The following COL4A5 variants were observed in gnomAD, a reference collection of about 807,000 sequenced individuals.
COL4A5 encodes the protein collagen type IV alpha 5 chain, also known as collagen alpha-5(IV) chain.
A neutral mutation model predicts 130.2 loss-of-function variants in COL4A5; 26 were observed. That is an observed-to-expected ratio of 0.20 (90% CI 0.15 to 0.28). The LOEUF (loss-of-function observed/expected upper bound fraction) is 0.28, where lower values mean the gene tolerates loss of function less well. COL4A5 is among the 10% of genes least tolerant of loss of function. The pLI is 1.00. For synonymous variants in COL4A5, 496 were observed against 439.6 expected, an observed-to-expected ratio of 1.13 and a Z score of -1.60; for missense variants, 1,131 against 1,344.3, an observed-to-expected ratio of 0.84 and a Z score of 2.48.
At position 108,603,442 on chromosome X, in the gene COL4A5, G is replaced by A. The variant is rs185455903; in HGVS notation, c.2244+381G>A. Reference sequence around the variant, plus strand: ...GTTTCCCACTACATATAAAGGTTATGTTTACACTATACTGTAGTCTTTAAA... The same window carrying A: ...GTTTCCCACTACATATAAAGGTTATATTTACACTATACTGTAGTCTTTAAA... On this transcript the variant is annotated intron_variant, in intron 28 of 52. Transcript: ENST00000328300. Among the ~76,000 whole-genome samples, 43 of 111,260 alleles carry A rather than the reference G, an allele frequency of 3.9e-4. No homozygotes were observed. The East Asian group carries it at 7.6e-3, about 20-fold the overall frequency.
intron 37 of COL4A5, among the ~76,000 whole-genome samples, chrX:108,660,401 G>A (rs371044450): frequency 4.5e-5 from 5 of 111,266 alleles, no homozygotes; most frequent in East Asian, 2.8e-4. Flanking sequence ...TTCTTCCACC[G>A]TCATTTATTG....
chrX:108,609,060 A>C (rs780641648), intron 29 of COL4A5, among the ~76,000 whole-genome samples: 1 of 111,882 alleles, frequency 8.9e-6, no homozygotes, highest in Non-Finnish European at 1.9e-5. Flanking sequence ...GGGTTGTGTC[A>C]AGTTTTTGGC....
At chrX:108,591,333 T>A in intron 20 of COL4A5, 102 bp downstream of exon 20, 1 of 850,817 alleles carries the variant, frequency 1.2e-6, no homozygotes, top group East Asian at 3.2e-5. Flanking sequence ...GCGTTTCTGA[T>A]ATCTAAGAAA....
chrX:108,470,561 T>C (rs1017242497), intron 1 of COL4A5, among the ~76,000 whole-genome samples: 2 of 111,904 alleles, frequency 1.8e-5, no homozygotes, highest in African/African-American at 6.5e-5. Flanking sequence ...GTTAGATGCA[T>C]AGTCTGTTAA....
At chrX:108,660,337 T>C (rs1420184581) in intron 37 of COL4A5, among the ~76,000 whole-genome samples, 1 of 111,572 alleles carries the variant, frequency 9.0e-6, no homozygotes, top group African/African-American at 3.2e-5. Flanking sequence ...TTTCTACTCT[T>C]CTACCCTCCT....
At chrX:108,593,143 T>C (rs2066462373) in intron 21 of COL4A5, among the ~76,000 whole-genome samples, 1 of 111,740 alleles carries the variant, frequency 8.9e-6, no homozygotes, top group Admixed American at 9.5e-5. Context: ...GTATTTTTTT[T>C]GTAGGACATA....
chrX:108,494,846 A>G (rs1312507278), intron 1 of COL4A5, among the ~76,000 whole-genome samples: 1 of 111,663 alleles, frequency 9.0e-6, no homozygotes, highest in African/African-American at 3.2e-5. Context: ...GGGGATGAAT[A>G]CTTAGACTTT....
intron 1 of COL4A5, among the ~76,000 whole-genome samples, chrX:108,452,098 T>A (rs771792969): frequency 8.8e-4 from 99 of 112,195 alleles, no homozygotes; most frequent in African/African-American, 3.1e-3. Context: ...TCCCCATTGC[T>A]TGTTTTTCTC....
At chrX:108,462,073 A>G (rs1373444304) in intron 1 of COL4A5, among the ~76,000 whole-genome samples, 1 of 111,897 alleles carries the variant, frequency 8.9e-6, no homozygotes, top group South Asian at 3.7e-4. Flanking sequence ...TCTCCTTTTC[A>G]TACCACTGTC....
At position 108,655,374 on chromosome X, in the gene COL4A5, A is replaced by C. The variant is rs1445341779; in HGVS notation, c.3290A>C (p.Lys1097Thr). 5 of 1,209,048 alleles carry C rather than the reference A, an allele frequency of 4.1e-6. No individual in the cohort carries two copies. The highest frequency in any genetic ancestry group is 5.6e-6 in the Non-Finnish European group (5 of 894,824). The change falls in exon 37 of 53, where the codon AAA (lysine) becomes ACA (threonine). Residue 1097 changes from lysine to threonine, a missense_variant. By Grantham distance (78) the Lys-to-Thr change is moderately conservative. Transcript: ENST00000328300. ...GGATACCCAGGGAACCCTGGTATCA[A>C]AGGTTCTGTGGGAGATCCTGGTTTG... ...LPGYPGNPGI[K>T]GSVGDPGLPG...
At chrX:108,695,232 G>A in intron 51 of COL4A5, 35 bp from the exon 52 acceptor site, 1 of 1,205,707 alleles carries the variant, frequency 8.3e-7, no homozygotes, top group Non-Finnish European at 1.1e-6. Flanking sequence ...TATGGCACAT[G>A]GGTATTGCGG....
rs753738687 is a variant in COL4A5 at position 108,440,183 on chromosome X, T to C, written c.58T>C (p.Trp20Arg). The change falls in exon 1 of 53, where the codon TGG becomes CGG. Residue 20 changes from tryptophan to arginine, a missense_variant. Physicochemically the swap from Trp to Arg is moderately radical, Grantham distance 101. Transcript: ENST00000328300. Reference sequence around the variant, plus strand: ...CTTGTTCTTACTGGCCCTGAGTCTTTGGGGGCAGCCTGCAGAGGCTGCGGT... The same window carrying C: ...CTTGTTCTTACTGGCCCTGAGTCTTCGGGGGCAGCCTGCAGAGGCTGCGGT... ...AGLFLLALSLWGQPAEAAACY... is the reference protein window; with the variant it reads ...AGLFLLALSLRGQPAEAAACY... 1 of 1,205,773 alleles carries C rather than the reference T, an allele frequency of 8.3e-7. No individual in the cohort carries two copies. Among genetic ancestry groups the C allele is most frequent in the Admixed American group, 2.2e-5 (1 of 45,815 alleles).
intron 1 of COL4A5, among the ~76,000 whole-genome samples, chrX:108,499,958 C>G (rs1258755068): frequency 9.0e-6 from 1 of 111,493 alleles, no homozygotes; most frequent in Non-Finnish European, 1.9e-5. Context: ...CTAAGAGAGG[C>G]AGACAGACTG....
chrX:108,506,904 C>G (rs2065129302), intron 1 of COL4A5, among the ~76,000 whole-genome samples: 2 of 110,954 alleles, frequency 1.8e-5, no homozygotes, highest in South Asian at 7.7e-4. Flanking sequence ...AGCCACCACA[C>G]CTGGTGGTCA....
At chrX:108,681,726 C>T in intron 46 of COL4A5, 34 bp from the exon 47 acceptor site, 3 of 1,208,354 alleles carry the variant, frequency 2.5e-6, no homozygotes, top group African/African-American at 1.7e-5. Flanking sequence ...TAACCTTTCT[C>T]TTTCCCTTCA....
At chrX:108,586,559 A>G in intron 18 of COL4A5, 56 bp from the exon 19 acceptor site, 1 of 1,102,735 alleles carries the variant, frequency 9.1e-7, no homozygotes, top group South Asian at 1.9e-5. Flanking sequence ...TGTTTTCAGG[A>G]GAACAAGGCT....
chrX:108,595,731 A>G, intron 22 of COL4A5, 130 bp downstream of exon 22: 1 of 496,027 alleles, frequency 2.0e-6, no homozygotes, highest in Non-Finnish European at 3.4e-6. Flanking sequence ...TAAGTATGAA[A>G]TGCCTCCATT....
intron 50 of COL4A5, 33 bp from the exon 51 acceptor site, chrX:108,694,774 T>C: frequency 9.2e-7 from 1 of 1,081,557 alleles, no homozygotes; most frequent in Non-Finnish European, 1.3e-6. Flanking sequence ...GCTCACTCTG[T>C]AGATTATGTT....
chrX:108,588,610 G>A (rs1381958535), intron 19 of COL4A5, among the ~76,000 whole-genome samples: 2 of 110,480 alleles, frequency 1.8e-5, no homozygotes, highest in African/African-American at 6.6e-5. Context: ...AAAAATAATG[G>A]CTGAGAACTT....
Sources: gnomAD v4.1 joint callset for allele counts (sites outside exome capture counted in the v4.1 genomes callset) on GRCh38, gnomAD v4.1.1 for gene constraint, MANE v1.5 for transcripts, NCBI Gene and HGNC (gene_info 2026-07-23, HGNC 2026-07-21) for gene names.